The following LZTS1 variants were observed in gnomAD, a reference collection of about 807,000 sequenced individuals.
LZTS1 encodes the protein leucine zipper tumor suppressor 1.
Under a neutral mutation model 45.8 loss-of-function variants are expected in LZTS1, and 31 were observed. The observed-to-expected ratio is 0.68, with a 90% CI of 0.51 to 0.91. LZTS1 has a LOEUF of 0.91. Ranked by LOEUF, LZTS1 falls within the 40% of genes least tolerant of loss-of-function variation. LZTS1 has a pLI of 0.00. For missense variants in LZTS1, 821 were observed against 788.9 expected (o/e 1.04, Z -0.49); for synonymous variants, 359 against 357.3 (o/e 1.00, Z -0.05).
At chr8:20,259,269 G>T (rs1166595128) in intron 1 of LZTS1, among the ~76,000 whole-genome samples, 1 of 152,058 alleles carries the variant, frequency 6.6e-6, no homozygotes, top group African/African-American at 2.4e-5. Flanking sequence ...TTAGGGAGCC[G>T]AAACAAACAG....
At chr8:20,295,575 G>C (rs1011929885) in intron 1 of LZTS1, among the ~76,000 whole-genome samples, 28 of 152,130 alleles carry the variant, frequency 1.8e-4, no homozygotes, top group African/African-American at 6.8e-4. Context: ...TATCAGATGC[G>C]GGACACACAT....
At position 20,253,019 on chromosome 8, in the gene LZTS1, G is replaced by GTCCCTGCAGCGCCGCGGCCGCTCC. The variant is rs1799978572; in HGVS notation, c.888_911dup (p.Glu296_Arg303dup). ...CTTTGGGCTCCGGGCCCTCCAGCTC[G>GTCCCTGCAGCGCCGCGGCCGCTCC]TCCCTGCAGCGCCGCGGCCGCTCCT... On this transcript the variant is annotated inframe_insertion, in exon 3 of 4. Transcript: ENST00000381569. 6.3e-7 allele frequency: 1 copy of GTCCCTGCAGCGCCGCGGCCGCTCC among 1,597,046 alleles called. No individual in the cohort carries two copies. Among genetic ancestry groups the GTCCCTGCAGCGCCGCGGCCGCTCC allele is most frequent in the Admixed American group, 1.7e-5 (1 of 59,218 alleles).
rs981423075 is a variant in LZTS1 at position 20,300,623 on chromosome 8, C to T, written c.-135+3117G>A. ...CTGAGATTACAAGCGTGAGCCACAG[C>T]GCCCCGCCGCCAACACTGTATTTTG... is the stretch of plus-strand genomic sequence containing the variant. On this transcript the variant is annotated intron_variant, in intron 1 of 3. Transcript: ENST00000381569. Among the ~76,000 whole-genome samples the T allele has an allele frequency of 5.3e-5, 8 of 152,120 alleles. No homozygotes were observed. In the East Asian group the frequency reaches 9.7e-4, roughly 18 times the overall value.
At chr8:20,278,550 G>C (rs2128896902) in intron 1 of LZTS1, among the ~76,000 whole-genome samples, 1 of 152,248 alleles carries the variant, frequency 6.6e-6, no homozygotes. Flanking sequence ...TTTCATTCCT[G>C]CCCTGATAGT....
In LZTS1 at chr8:20,246,213, A is replaced by C. The variant is rs1167637377; in HGVS notation, c.*3509T>G. On this transcript the variant is annotated 3_prime_UTR_variant, in exon 4 of 4. Transcript: ENST00000381569. ...CTTTATTCATAAATAAAAACATAAA[A>C]TTGCCACAAATAGTTTACATGGCCA... 1 of 152,662 alleles carries C rather than the reference A, an allele frequency of 6.6e-6. No individual in the cohort carries two copies. Among genetic ancestry groups the C allele is most frequent in the Non-Finnish European group, 1.5e-5 (1 of 68,048 alleles). The allele number at this position is 152,662 out of a possible 1,614,324, so 9.5% of individuals were successfully genotyped here. A position where few individuals can be genotyped will look rare whatever the true frequency, so the allele number is the denominator to read the frequency against.
At chr8:20,282,757 A>G (rs982562475) in intron 1 of LZTS1, among the ~76,000 whole-genome samples, 25 of 152,108 alleles carry the variant, frequency 1.6e-4, no homozygotes, top group African/African-American at 5.6e-4. Flanking sequence ...AAATGTCTCT[A>G]GATGTTGCCA....
At chr8:20,294,176 G>C (rs1444123231) in intron 1 of LZTS1, among the ~76,000 whole-genome samples, 1 of 152,182 alleles carries the variant, frequency 6.6e-6, no homozygotes. Context: ...TAGGACCCTA[G>C]AGTTGGAGGT....
chr8:20,260,220 G>A (rs1800197638), intron 1 of LZTS1, among the ~76,000 whole-genome samples: 1 of 152,136 alleles, frequency 6.6e-6, no homozygotes, highest in South Asian at 2.1e-4. Context: ...TTTTATTGAT[G>A]ATTGATTGAC....
intron 1 of LZTS1, among the ~76,000 whole-genome samples, chr8:20,256,419 G>A (rs1262520172): frequency 6.6e-6 from 1 of 152,180 alleles, no homozygotes; most frequent in African/African-American, 2.4e-5. Flanking sequence ...TGGCTTCCGG[G>A]TGGGGAAGAA....
At chr8:20,257,332 C>G (rs973259583) in intron 1 of LZTS1, among the ~76,000 whole-genome samples, 2 of 152,050 alleles carry the variant, frequency 1.3e-5, no homozygotes, top group African/African-American at 4.8e-5. Context: ...TGCACTCCAG[C>G]CTGGGCAACA....
chr8:20,255,527 C>T (rs760597351), intron 1 of LZTS1, among the ~76,000 whole-genome samples: 1 of 152,152 alleles, frequency 6.6e-6, no homozygotes, highest in African/African-American at 2.4e-5. Context: ...TCTAAACACT[C>T]GGGACCCAGC....
intron 1 of LZTS1, among the ~76,000 whole-genome samples, chr8:20,296,445 T>C (rs1482245956): frequency 1.3e-5 from 2 of 152,184 alleles, no homozygotes; most frequent in East Asian, 3.9e-4. Flanking sequence ...CTCTAATGGG[T>C]TCGTGGCCAC....
chr8:20,268,404 G>A (rs1222279562), intron 1 of LZTS1, among the ~76,000 whole-genome samples: 4 of 151,590 alleles, frequency 2.6e-5, no homozygotes, highest in African/African-American at 9.7e-5. Flanking sequence ...GATTCTCCCC[G>A]TTCCCCCTCC....
chr8:20,295,264 A>G (rs1443002933), intron 1 of LZTS1, among the ~76,000 whole-genome samples: 1 of 151,978 alleles, frequency 6.6e-6, no homozygotes, highest in Non-Finnish European at 1.5e-5. Context: ...GGTGGAGATC[A>G]CCCCCAGCCT....
chr8:20,270,995 A>T (rs1383540460), intron 1 of LZTS1, among the ~76,000 whole-genome samples: 1 of 151,948 alleles, frequency 6.6e-6, no homozygotes, highest in Non-Finnish European at 1.5e-5. Context: ...TGGCACGAAG[A>T]GTTTAACCTG....
At chr8:20,252,215 A>G (rs1027617304) in intron 3 of LZTS1, among the ~76,000 whole-genome samples, 1 of 151,962 alleles carries the variant, frequency 6.6e-6, no homozygotes, top group Non-Finnish European at 1.5e-5. Context: ...TGAGTGTGTA[A>G]GTGTGTGAGT....
At chr8:20,288,789 G>A (rs1033538123) in intron 1 of LZTS1, among the ~76,000 whole-genome samples, 6 of 151,854 alleles carry the variant, frequency 4.0e-5, no homozygotes, top group Non-Finnish European at 8.8e-5. Flanking sequence ...CCTCCCCTGC[G>A]TCTTCCAACC....
chr8:20,275,707 A>C (rs1800567297), intron 1 of LZTS1: 1 of 152,410 alleles, frequency 6.6e-6, no homozygotes, highest in African/African-American at 2.4e-5. Flanking sequence ...GAGGACCTCC[A>C]TTGTGATGCA....
At chr8:20,257,080 T>C (rs563323809) in intron 1 of LZTS1, among the ~76,000 whole-genome samples, 3 of 152,110 alleles carry the variant, frequency 2.0e-5, no homozygotes, top group Non-Finnish European at 4.4e-5. Context: ...CCAGGCGCAA[T>C]GGCTCAAGCC....
Sources: gnomAD v4.1 joint callset for allele counts (sites outside exome capture counted in the v4.1 genomes callset) on GRCh38, gnomAD v4.1.1 for gene constraint, MANE v1.5 for transcripts, NCBI Gene and HGNC (gene_info 2026-07-23, HGNC 2026-07-21) for gene names.